PLXDC2: variants seen among roughly 807,000 people sequenced by gnomAD.
The protein encoded by PLXDC2 is plexin domain-containing protein 2.
In PLXDC2, 40 loss-of-function variants were observed where a neutral mutation model predicts 68.9. The ratio of observed to expected loss-of-function variants is 0.58; its 90% CI spans 0.45 to 0.76. The LOEUF (loss-of-function observed/expected upper bound fraction) is 0.76. PLXDC2 is among the 30% of genes least tolerant of loss of function. The pLI is 0.00. For synonymous variants in PLXDC2, 243 were observed against 234.2 expected (o/e 1.04, Z -0.34); for missense variants, 644 against 661.9 (o/e 0.97, Z 0.30).
At chr10:20,012,129 C>T (rs1424268475) in intron 2 of PLXDC2, among the ~76,000 whole-genome samples, 1 of 151,894 alleles carries the variant, frequency 6.6e-6, no homozygotes, top group Non-Finnish European at 1.5e-5. Flanking sequence ...ATAGAGAAGG[C>T]ATTTAATTTT....
At chr10:20,096,735 G>T (rs368130508) in intron 4 of PLXDC2, among the ~76,000 whole-genome samples, 11 of 152,084 alleles carry the variant, frequency 7.2e-5, no homozygotes, top group Non-Finnish European at 1.3e-4. Context: ...TGTTTTTTAT[G>T]TCTGATTACT....
intron 4 of PLXDC2, among the ~76,000 whole-genome samples, chr10:20,140,441 C>CTAT (rs55757049): frequency 0.88 from 131,015 of 148,734 alleles, 57,512 homozygotes; most frequent in Middle Eastern, 0.91. Flanking sequence ...ATCTATCTAT[C>CTAT]CGTCTAATCT....
At chr10:19,986,466 C>T (rs564926575) in intron 1 of PLXDC2, among the ~76,000 whole-genome samples, 7 of 149,906 alleles carry the variant, frequency 4.7e-5, no homozygotes, top group African/African-American at 1.2e-4. Context: ...ATGAAGTATT[C>T]GATTGATAAA....
chr10:20,222,490 T>A (rs1364674149), intron 12 of PLXDC2, among the ~76,000 whole-genome samples: 1 of 152,222 alleles, frequency 6.6e-6, no homozygotes, highest in Non-Finnish European at 1.5e-5. Flanking sequence ...AGTTAGAGCC[T>A]CTTAAAGTTT....
intron 2 of PLXDC2, among the ~76,000 whole-genome samples, chr10:20,031,508 A>C (rs1220008582): frequency 6.6e-6 from 1 of 152,170 alleles, no homozygotes; most frequent in Non-Finnish European, 1.5e-5. Flanking sequence ...CTATTACAAA[A>C]AGTCCCAAGC....
chr10:20,072,455 AAAAG>A (rs1423111005), intron 4 of PLXDC2, among the ~76,000 whole-genome samples: 4 of 142,482 alleles, frequency 2.8e-5, no homozygotes, highest in African/African-American at 5.2e-5. Context: ...GAAAGAAAGA[AAAAG>A]AAGAAAGAAA....
At chr10:20,129,553 A>G (rs1833838314) in intron 4 of PLXDC2, among the ~76,000 whole-genome samples, 1 of 151,316 alleles carries the variant, frequency 6.6e-6, no homozygotes, top group Admixed American at 6.6e-5. Flanking sequence ...ATACACATAT[A>G]TATGTGTATA....
chr10:20,221,820 T>C (rs1490772044), intron 12 of PLXDC2, among the ~76,000 whole-genome samples: 1 of 152,240 alleles, frequency 6.6e-6, no homozygotes, highest in African/African-American at 2.4e-5. Context: ...TTTACTGAGG[T>C]TGATTTTTAA....
chr10:20,153,279 T>G (rs1365058867), intron 6 of PLXDC2, among the ~76,000 whole-genome samples: 1 of 152,212 alleles, frequency 6.6e-6, no homozygotes, highest in Non-Finnish European at 1.5e-5. Flanking sequence ...TTCAGTCATG[T>G]ATTGAAAAGA....
At chr10:20,065,179 A>G (rs979741399) in intron 3 of PLXDC2, among the ~76,000 whole-genome samples, 1 of 152,186 alleles carries the variant, frequency 6.6e-6, no homozygotes, top group African/African-American at 2.4e-5. Context: ...TTGAGAGAAT[A>G]TTGTTGTCAG....
intron 2 of PLXDC2, among the ~76,000 whole-genome samples, chr10:20,014,031 A>G (rs944557220): frequency 3.3e-5 from 5 of 152,260 alleles, no homozygotes; most frequent in Non-Finnish European, 5.9e-5. Context: ...GTACCAGATG[A>G]TAGTAAAATT....
chr10:19,850,005 A>G (rs767020625), intron 1 of PLXDC2, among the ~76,000 whole-genome samples: 4 of 152,124 alleles, frequency 2.6e-5, no homozygotes, highest in Admixed American at 6.5e-5. Context: ...TCTATGTTAC[A>G]TTTCCTTACT....
chr10:19,893,522 T>C (rs1375515347), intron 1 of PLXDC2, among the ~76,000 whole-genome samples: 2 of 152,232 alleles, frequency 1.3e-5, no homozygotes, highest in Non-Finnish European at 2.9e-5. Context: ...TTTCCTAGCA[T>C]AAGCCTGGTC....
chr10:20,232,988 G>T (rs1384609457), intron 12 of PLXDC2, among the ~76,000 whole-genome samples: 1 of 151,832 alleles, frequency 6.6e-6, no homozygotes, highest in Non-Finnish European at 1.5e-5. Context: ...ATTCTTCCAG[G>T]CTTCTTAAAA....
At chr10:20,222,048 C>T (rs935022094) in intron 12 of PLXDC2, among the ~76,000 whole-genome samples, 1 of 152,168 alleles carries the variant, frequency 6.6e-6, no homozygotes, top group Non-Finnish European at 1.5e-5. Context: ...TGTCATCTCA[C>T]ATAGTTACTT....
intron 6 of PLXDC2, among the ~76,000 whole-genome samples, chr10:20,148,762 A>T (rs975056168): frequency 1.3e-5 from 2 of 152,200 alleles, no homozygotes; most frequent in African/African-American, 4.8e-5. Flanking sequence ...CAGACTCGAT[A>T]TCTTATGTTC....
intron 1 of PLXDC2, among the ~76,000 whole-genome samples, chr10:19,900,706 C>T (rs1352274388): frequency 2.0e-5 from 3 of 151,904 alleles, no homozygotes; most frequent in Admixed American, 2.0e-4. Flanking sequence ...GTACCCATCA[C>T]CCAAGCAGTG....
chr10:20,109,628 C>T (rs560718382), intron 4 of PLXDC2, among the ~76,000 whole-genome samples: 30 of 152,232 alleles, frequency 2.0e-4, no homozygotes, highest in African/African-American at 7.0e-4. Flanking sequence ...ATTTGAAAGC[C>T]ATCTTTCAGA....
intron 4 of PLXDC2, among the ~76,000 whole-genome samples, chr10:20,106,126 A>G (rs751639929): frequency 6.6e-6 from 1 of 152,228 alleles, no homozygotes; most frequent in Admixed American, 6.5e-5. Flanking sequence ...TGTTAACCAC[A>G]TTCATTTCCA....
Sources: allele counts gnomAD v4.1 joint callset (sites outside exome capture counted in the v4.1 genomes callset), GRCh38; gene constraint gnomAD v4.1.1; transcripts MANE v1.5; gene names NCBI Gene and HGNC (gene_info 2026-07-23, HGNC 2026-07-21).